WAC: variants seen among roughly 807,000 people sequenced by gnomAD.
The protein encoded by WAC is WW domain-containing adapter protein with coiled-coil.
WAC carries 11 observed loss-of-function variants against 79.6 expected under a neutral mutation model. The observed-to-expected ratio is 0.14, with a 90% CI of 0.09 to 0.23. The LOEUF (loss-of-function observed/expected upper bound fraction) is 0.23. Ranked by LOEUF, WAC falls within the 10% of genes least tolerant of loss-of-function variation. The pLI, the probability that WAC is intolerant of heterozygous loss-of-function variation, is 1.00. For missense variants in WAC, 728 were observed against 773.5 expected (o/e 0.94, Z 0.70); for synonymous variants, 304 against 276.9 (o/e 1.10, Z -0.97).
In WAC at chr10:28,622,793, A is replaced by T. The variant is rs372316480; in HGVS notation, c.*3187A>T. ...CAGTTTATTATGTTCAAAAACCACC[A>T]TATCTTTGAGGGACTGTTTGAAAGG... is the stretch of plus-strand genomic sequence containing the variant. On this transcript the variant is annotated 3_prime_UTR_variant, in exon 14 of 14. Transcript: ENST00000354911. 1 of 152,154 alleles carries T rather than the reference A, an allele frequency of 6.6e-6. No individual in the cohort carries two copies. Among genetic ancestry groups the T allele is most frequent in the African/African-American group, 2.4e-5 (1 of 41,440 alleles). The allele number at this position is 152,154 out of a possible 1,614,324, so 9.4% of individuals were successfully genotyped here.
At chr10:28,549,173 A>G (rs570292467) in intron 3 of WAC, among the ~76,000 whole-genome samples, 3 of 152,302 alleles carry the variant, frequency 2.0e-5, no homozygotes, top group African/African-American at 7.2e-5. Flanking sequence ...TGCTGGGATA[A>G]TGGGTGTGAG....
At chr10:28,586,026 C>G (rs1839804222) in intron 4 of WAC, among the ~76,000 whole-genome samples, 1 of 152,138 alleles carries the variant, frequency 6.6e-6, no homozygotes, top group Non-Finnish European at 1.5e-5. Flanking sequence ...AATCCGCGTT[C>G]TGGTTTCTCT....
chr10:28,563,108 T>C (rs1278828114), intron 3 of WAC, among the ~76,000 whole-genome samples: 1 of 152,218 alleles, frequency 6.6e-6, no homozygotes, highest in East Asian at 1.9e-4. Flanking sequence ...TTTCACCATG[T>C]TGGCCAGGGT....
chr10:28,577,589 G>A (rs977061770), intron 3 of WAC, among the ~76,000 whole-genome samples: 3 of 152,290 alleles, frequency 2.0e-5, no homozygotes, highest in Non-Finnish European at 2.9e-5. Flanking sequence ...TGCTGTGGCC[G>A]CTGGTTAGGA....
chr10:28,595,717 G>C lies in WAC; in HGVS notation c.611-16G>C. 3 of 1,593,548 alleles carry C rather than the reference G, an allele frequency of 1.9e-6. No homozygotes were observed. Among genetic ancestry groups the C allele is most frequent in the Non-Finnish European group, 2.6e-6 (3 of 1,168,186 alleles). ...CTGTCATTCCAACATCTGTTTTTTCGAACTGTGAACTAAAGTGGAAGACAA... is the reference window on the plus strand; with the variant it reads ...CTGTCATTCCAACATCTGTTTTTTCCAACTGTGAACTAAAGTGGAAGACAA... On this transcript the variant is annotated splice_polypyrimidine_tract_variant and intron_variant, in intron 6 of 13. Transcript: ENST00000354911.
In WAC at chr10:28,619,490, ATAT is replaced by A. The variant is rs1226141657; in HGVS notation, c.1875-45_1875-43del. On this transcript the variant is annotated intron_variant, in intron 13 of 13. Transcript: ENST00000354911. ...ATTATAAAAGCTCGGGTTTTCTGTAATATTTGTATATGTACACAGGTTCTAATG... is the reference window on the plus strand; with the variant it reads ...ATTATAAAAGCTCGGGTTTTCTGTAATTGTATATGTACACAGGTTCTAATG... The A allele has an allele frequency of 6.5e-6, 9 of 1,376,298 alleles. No homozygotes were observed. The Admixed American group carries it at 2.5e-4, about 38-fold the overall frequency. The allele number at this position is 1,376,298 out of a possible 1,614,324, so 85.3% of individuals were successfully genotyped here.
At chr10:28,538,866 T>TAAA (rs5784069) in intron 3 of WAC, among the ~76,000 whole-genome samples, 2 of 126,904 alleles carry the variant, frequency 1.6e-5, no homozygotes, top group East Asian at 2.3e-4. Context: ...CCCGTCTGTT[T>TAAA]AAAAAAAAAA....
intron 3 of WAC, among the ~76,000 whole-genome samples, chr10:28,559,043 G>T (rs561365873): frequency 6.6e-6 from 1 of 152,020 alleles, no homozygotes; most frequent in African/African-American, 2.4e-5. Context: ...GACACTTAAC[G>T]TAGTACGTAA....
At chr10:28,585,927 T>G (rs921288012) in intron 4 of WAC, among the ~76,000 whole-genome samples, 7 of 152,220 alleles carry the variant, frequency 4.6e-5, no homozygotes, top group Non-Finnish European at 1.0e-4. Context: ...GCTTGAATGA[T>G]TCAAATCATA....
chr10:28,587,595 A>G (rs1034934421), intron 4 of WAC, among the ~76,000 whole-genome samples: 1 of 152,218 alleles, frequency 6.6e-6, no homozygotes, highest in Non-Finnish European at 1.5e-5. Flanking sequence ...TTAAGTCCTC[A>G]ATATTAGTTA....
At chr10:28,609,926 CTTTTTTTTT>C (rs35905966) in intron 8 of WAC, among the ~76,000 whole-genome samples, 22 of 115,676 alleles carry the variant, frequency 1.9e-4, no homozygotes, top group South Asian at 8.5e-4. Context: ...TTCCTAAATA[CTTTTTTTTT>C]TTTTTTTTTT....
intron 3 of WAC, among the ~76,000 whole-genome samples, chr10:28,541,485 G>A (rs1837047214): frequency 1.5e-5 from 2 of 137,804 alleles, no homozygotes; most frequent in South Asian, 2.4e-4. Flanking sequence ...GAGTGCAGTG[G>A]CACGATCTCG....
intron 3 of WAC, among the ~76,000 whole-genome samples, chr10:28,581,530 T>A (rs960104929): frequency 6.6e-6 from 1 of 152,064 alleles, no homozygotes; most frequent in Non-Finnish European, 1.5e-5. Context: ...ACTTTTCCTG[T>A]ATACTCAGCC....
At chr10:28,591,788 T>A (rs1408285482) in intron 6 of WAC, 1 of 143,976 alleles carries the variant, frequency 6.9e-6, no homozygotes, top group Admixed American at 7.3e-5. Flanking sequence ...TTGGCTATGA[T>A]CTTGCCACTG....
chr10:28,565,401 C>T (rs1480190804), intron 3 of WAC, among the ~76,000 whole-genome samples: 1 of 152,126 alleles, frequency 6.6e-6, no homozygotes, highest in Non-Finnish European at 1.5e-5. Context: ...GAGATAGGGT[C>T]TTGTTCTGTC....
chr10:28,590,668 A>G, intron 5 of WAC, 52 bp from the exon 6 acceptor site: 3 of 1,461,324 alleles, frequency 2.1e-6, no homozygotes, highest in Non-Finnish European at 2.8e-6. Flanking sequence ...TAGTATGGAA[A>G]CTCATGCCCT....
intron 10 of WAC, among the ~76,000 whole-genome samples, chr10:28,613,133 C>T (rs1311185824): frequency 4.6e-5 from 7 of 151,994 alleles, no homozygotes; most frequent in Non-Finnish European, 1.5e-5. Flanking sequence ...TGGGGGAGGC[C>T]GAGGCAGGCA....
Position 28,616,154 on chromosome 10 carries a change from A to T in WAC, c.1557-19A>T. 1.3e-6 allele frequency: 2 copies of T among 1,566,026 alleles called. No individual in the cohort carries two copies. Among genetic ancestry groups the T allele is most frequent in the Non-Finnish European group, 1.7e-6 (2 of 1,150,062 alleles). On this transcript the variant is annotated intron_variant, in intron 11 of 13. Transcript: ENST00000354911. ...GAAACTACTTTTAAACATACTACACATTCAATTCTGTTTTCTAGTAGCCAG... is the reference window on the plus strand; with the variant it reads ...GAAACTACTTTTAAACATACTACACTTTCAATTCTGTTTTCTAGTAGCCAG...
chr10:28,542,054 C>T (rs369472893), intron 3 of WAC, among the ~76,000 whole-genome samples: 3 of 152,154 alleles, frequency 2.0e-5, no homozygotes, highest in African/African-American at 4.8e-5. Flanking sequence ...TCAGCCTCTT[C>T]TACTATCTTC....
Sources: gnomAD v4.1 joint callset for allele counts (sites outside exome capture counted in the v4.1 genomes callset) on GRCh38, gnomAD v4.1.1 for gene constraint, MANE v1.5 for transcripts, NCBI Gene and HGNC (gene_info 2026-07-23, HGNC 2026-07-21) for gene names.